The following MIOS variants were observed in gnomAD, a reference collection of about 807,000 sequenced individuals.
MIOS encodes the protein GATOR2 complex protein MIOS.
MIOS carries 52 observed loss-of-function variants against 96.9 expected under a neutral mutation model. The observed-to-expected ratio is 0.54, with a 90% CI of 0.43 to 0.68. The LOEUF is 0.68. Among genes scored for constraint, MIOS ranks in the 30% least tolerant of loss-of-function variants. MIOS has a pLI of 0.00. For missense variants in MIOS, 1,005 were observed against 1,052.8 expected (o/e 0.95, Z 0.63); for synonymous variants, 397 against 359.5 (o/e 1.10, Z -1.18).
intron 9 of MIOS, among the ~76,000 whole-genome samples, chr7:7,593,730 C>T (rs1005658640): frequency 6.6e-6 from 1 of 151,298 alleles, no homozygotes; most frequent in African/African-American, 2.4e-5. Context: ...CCCATCTCTA[C>T]TAAAAATACA....
chr7:7,572,516 A>G lies in MIOS; in HGVS notation c.41A>G (p.His14Arg). 1 of 1,614,020 alleles carries G rather than the reference A, an allele frequency of 6.2e-7. No individual in the cohort carries two copies. The highest frequency in any genetic ancestry group is 8.5e-7 in the Non-Finnish European group (1 of 1,179,918). The change falls in exon 4 of 13, where the codon CAT becomes CGT. Residue 14 changes from histidine (H) to arginine (R), a missense_variant. His to Arg is a conservative substitution (Grantham distance 29, BLOSUM62 0). This residue lies in a region of MIOS where 137 missense variants were observed against 148.6 expected (regional missense o/e 0.92). Transcript: ENST00000340080. The surrounding 1 kb of genome is among the most constrained non-coding windows in gnomAD (Gnocchi z 4.8). ...TKPDILWAPH[H>R]VDRFVVCDSE... is the part of the protein sequence containing the mutation. The stretch of plus-strand genomic sequence containing the variant: ...CCTGATATTTTATGGGCACCACACC[A>G]TGTTGATAGATTTGTTGTGTGTGAC...
chr7:7,582,644 A>G (rs371695474), intron 5 of MIOS: 1 of 978,398 alleles, frequency 1.0e-6, no homozygotes, highest in African/African-American at 1.7e-5. Flanking sequence ...AGAAGGAAGA[A>G]AGCAAGATCA....
chr7:7,574,343 T>G, intron 5 of MIOS, 147 bp downstream of exon 5: 2 of 577,500 alleles, frequency 3.5e-6, no homozygotes, highest in South Asian at 4.5e-5. Context: ...TTCATTGTAT[T>G]GTTGAGTTAA....
intron 11 of MIOS, among the ~76,000 whole-genome samples, chr7:7,597,486 ATATATATATATATATATATATATATAT>A (rs1784242151): frequency 7.0e-5 from 4 of 57,284 alleles, no homozygotes; most frequent in African/African-American, 2.3e-4. Context: ...ATATATATAT[ATATATATATATATATATATATATATAT>A]ATATGAAGGC....
At chr7:7,602,697 CT>C (rs1784414967) in intron 11 of MIOS, among the ~76,000 whole-genome samples, 1 of 152,174 alleles carries the variant, frequency 6.6e-6, no homozygotes, top group Non-Finnish European at 1.5e-5. Context: ...CTACCAATGA[CT>C]TTCTTCACAG....
At chr7:7,594,880 C>G in intron 9 of MIOS, 100 bp from the exon 10 acceptor site, 1 of 505,258 alleles carries the variant, frequency 2.0e-6, no homozygotes, top group Non-Finnish European at 2.9e-6. Flanking sequence ...AAAAAAAAGG[C>G]CTATTTCTTC....
At chr7:7,589,262 CTTAG>C (rs1460804395) in intron 8 of MIOS, 139 bp from the exon 9 acceptor site, 4 of 666,514 alleles carry the variant, frequency 6.0e-6, no homozygotes, top group African/African-American at 5.4e-5. Context: ...ATGCAGACTT[CTTAG>C]TTAAATATTT....
Position 7,605,954 on chromosome 7 carries a change from CAG to C in MIOS, c.2416_2417del (p.Asp806Ter). Reference sequence around the variant, plus strand: ...TATTTTGTCATAGGAGGAACCAAATCAGATGAAAAAGTGGACTTGAGCAAGGA... The same window carrying C: ...TATTTTGTCATAGGAGGAACCAAATCATGAAAAAGTGGACTTGAGCAAGGA... On this transcript the variant is annotated frameshift_variant, in exon 12 of 13. Transcript: ENST00000340080. 6.2e-7 allele frequency: 1 copy of C among 1,613,196 alleles called. No individual in the cohort carries two copies. The highest frequency in any genetic ancestry group is 1.1e-5 in the South Asian group (1 of 91,008).
intron 9 of MIOS, among the ~76,000 whole-genome samples, chr7:7,593,164 ATTTTC>A: frequency 6.6e-6 from 1 of 152,220 alleles, no homozygotes; most frequent in African/African-American, 2.4e-5. Flanking sequence ...TTTTCTGTGA[ATTTTC>A]TTTTTAAACC....
chr7:7,586,988 C>CTTTTTTTTTTTTTTTTTTT (rs71988879), intron 7 of MIOS, among the ~76,000 whole-genome samples: 2 of 123,052 alleles, frequency 1.6e-5, no homozygotes, highest in African/African-American at 6.1e-5. Context: ...TTTTCTTTCC[C>CTTTTTTTTTTTTTTTTTTT]TTTTTTTTTT....
intron 5 of MIOS, among the ~76,000 whole-genome samples, chr7:7,579,921 T>A (rs537594001): frequency 1.5e-4 from 23 of 152,362 alleles, no homozygotes; most frequent in African/African-American, 5.3e-4. Context: ...AACTCATGAC[T>A]GGATTGTTCT....
chr7:7,603,369 G>GA (rs1167696019), intron 11 of MIOS, among the ~76,000 whole-genome samples: 3 of 151,696 alleles, frequency 2.0e-5, no homozygotes, highest in South Asian at 2.1e-4. Flanking sequence ...AAATTTACAA[G>GA]AAAAAAACAA....
chr7:7,594,377 G>C, intron 9 of MIOS, among the ~76,000 whole-genome samples: 1 of 151,108 alleles, frequency 6.6e-6, no homozygotes. Context: ...CACAATCTCA[G>C]CTCACTGCAA....
chr7:7,606,471 C>T (rs1784534023), intron 12 of MIOS, among the ~76,000 whole-genome samples: 1 of 152,142 alleles, frequency 6.6e-6, no homozygotes, highest in Admixed American at 6.5e-5. Flanking sequence ...TTTATGTAGT[C>T]ACGCAATTAA....
At position 7,573,492 on chromosome 7, in the gene MIOS, A is replaced by G; in HGVS notation, c.1017A>G (p.Ile339Met). ...AWHPTSQNRM[I>M]VVTPNRTMSD... is the part of the protein sequence containing the mutation. ...ATCCAACAAGTCAAAATCGAATGAT[A>G]GTTGTAACTCCCAACCGAACAATGT... Residue 339 changes from isoleucine to methionine, a missense_variant, in exon 4 of 13, where the codon ATA becomes ATG. Coordinates refer to ENST00000340080, the MANE Select transcript of MIOS (RefSeq NM_019005.4). The surrounding 1 kb of genome is among the most constrained non-coding windows in gnomAD (Gnocchi z 5.0). 6 of 1,614,156 alleles carry G rather than the reference A, an allele frequency of 3.7e-6. No homozygotes were observed. Among genetic ancestry groups the G allele is most frequent in the Non-Finnish European group, 5.1e-6 (6 of 1,179,972 alleles).
intron 7 of MIOS, among the ~76,000 whole-genome samples, chr7:7,586,249 C>T (rs1783884561): frequency 6.6e-6 from 1 of 151,822 alleles, no homozygotes. Context: ...GGTGGCCATA[C>T]ATCTTGTCCC....
At chr7:7,592,149 T>C (rs1019306121) in intron 9 of MIOS, among the ~76,000 whole-genome samples, 1 of 152,106 alleles carries the variant, frequency 6.6e-6, no homozygotes, top group Non-Finnish European at 1.5e-5. Flanking sequence ...CCACCACACC[T>C]GGCTAATTTT....
intron 9 of MIOS, among the ~76,000 whole-genome samples, chr7:7,593,521 G>A (rs535190075): frequency 3.3e-5 from 5 of 152,162 alleles, no homozygotes; most frequent in Middle Eastern, 3.4e-3. Context: ...AAGCATCATT[G>A]GAAGTAGAGA....
At chr7:7,600,129 T>G (rs774053889) in intron 11 of MIOS, among the ~76,000 whole-genome samples, 13 of 151,890 alleles carry the variant, frequency 8.6e-5, no homozygotes, top group Non-Finnish European at 1.9e-4. Context: ...GCAATTTACC[T>G]GTATAACAAA....
Sources: gnomAD v4.1 joint callset for allele counts (sites outside exome capture counted in the v4.1 genomes callset) on GRCh38, gnomAD v4.1.1 for gene constraint, gnomAD v4.1.1 regional missense constraint, Gnocchi (gnomAD v3.1) non-coding constraint, MANE v1.5 for transcripts, NCBI Gene and HGNC (gene_info 2026-07-23, HGNC 2026-07-21) for gene names.